The following GRM7 variants were observed in gnomAD, a reference collection of about 807,000 sequenced individuals.
GRM7 encodes the protein metabotropic glutamate receptor 7.
A neutral mutation model predicts 84.5 loss-of-function variants in GRM7; 35 were observed. That is an observed-to-expected ratio of 0.41 (90% CI 0.32 to 0.55). The LOEUF is 0.55. Ranked by LOEUF, GRM7 falls within the 20% of genes least tolerant of loss-of-function variation. The pLI is 0.19. For synonymous variants in GRM7, 487 were observed against 455.1 expected (o/e 1.07, Z -0.89); for missense variants, 1,003 against 1,194.6 (o/e 0.84, Z 2.36).
At chr3:7,682,777 A>G (rs1047135048) in intron 9 of GRM7, among the ~76,000 whole-genome samples, 4 of 152,174 alleles carry the variant, frequency 2.6e-5, no homozygotes, top group Non-Finnish European at 4.4e-5. Flanking sequence ...TGGGTATGAC[A>G]TTGGTTGTTA....
chr3:7,198,479 C>T (rs1453327089), intron 2 of GRM7, among the ~76,000 whole-genome samples: 1 of 152,130 alleles, frequency 6.6e-6, no homozygotes, highest in African/African-American at 2.4e-5. Context: ...TGCACAGATG[C>T]TCCTTGACTT....
intron 1 of GRM7, among the ~76,000 whole-genome samples, chr3:7,030,385 T>C (rs1291083879): frequency 1.3e-5 from 2 of 152,152 alleles, no homozygotes; most frequent in Non-Finnish European, 2.9e-5. Context: ...GGGTGGGAGA[T>C]ATGTTCATTA....
At chr3:7,364,871 A>G (rs149600086) in intron 4 of GRM7, among the ~76,000 whole-genome samples, 22 of 152,016 alleles carry the variant, frequency 1.4e-4, no homozygotes, top group Non-Finnish European at 2.8e-4. Flanking sequence ...ATTAACCCAC[A>G]TGATAATAAA....
chr3:6,868,965 G>A (rs912041399), intron 1 of GRM7, among the ~76,000 whole-genome samples: 3 of 152,204 alleles, frequency 2.0e-5, no homozygotes, highest in African/African-American at 4.8e-5. Flanking sequence ...ATGGAAAGTA[G>A]CAAGAAAGTC....
At chr3:7,242,666 TC>T (rs1697602689) in intron 2 of GRM7, among the ~76,000 whole-genome samples, 1 of 152,168 alleles carries the variant, frequency 6.6e-6, no homozygotes, top group Non-Finnish European at 1.5e-5. Flanking sequence ...TGTAAGATTT[TC>T]TTAAAGTTTT....
At chr3:6,950,351 GC>G (rs1692693759) in intron 1 of GRM7, among the ~76,000 whole-genome samples, 1 of 152,192 alleles carries the variant, frequency 6.6e-6, no homozygotes, top group Non-Finnish European at 1.5e-5. Context: ...GGTATCAGCA[GC>G]AGTGGCTGCA....
intron 8 of GRM7, among the ~76,000 whole-genome samples, chr3:7,612,713 T>G (rs73116090): frequency 0.015 from 2,306 of 152,228 alleles, 59 homozygotes; most frequent in African/African-American, 0.051. Context: ...TAGTAAAGAT[T>G]TGGGAAATGG....
At chr3:7,230,006 A>AT (rs1399436492) in intron 2 of GRM7, among the ~76,000 whole-genome samples, 1 of 149,608 alleles carries the variant, frequency 6.7e-6, no homozygotes, top group Non-Finnish European at 1.5e-5. Context: ...CGCCTGGCTA[A>AT]TTTTTTGCGT....
rs568232401 is a variant in GRM7, at chr3:7,344,189, C to G, written c.1033+37537C>G. On this transcript the variant is annotated intron_variant, in intron 4 of 9. Transcript: ENST00000357716. ...TTTGTTGTATAGATTATTCCATCAC[C>G]AGGGTACTAAGCCTAGTATCTATTA... Among the ~76,000 whole-genome samples, 32 of 152,000 alleles carry G rather than the reference C, an allele frequency of 2.1e-4. 1 individual carries two copies. The highest frequency in any genetic ancestry group is 2.6e-4 in the Non-Finnish European group (18 of 67,956).
At chr3:6,931,686 A>G (rs531608183) in intron 1 of GRM7, among the ~76,000 whole-genome samples, 5 of 152,320 alleles carry the variant, frequency 3.3e-5, no homozygotes, top group African/African-American at 9.6e-5. Context: ...AAATTATATA[A>G]ATTTGTAATT....
At chr3:7,470,705 C>T (rs1022387557) in intron 7 of GRM7, among the ~76,000 whole-genome samples, 1 of 151,898 alleles carries the variant, frequency 6.6e-6, no homozygotes, top group African/African-American at 2.4e-5. Context: ...ATTTTGGGCT[C>T]AGGCAAAATA....
intron 3 of GRM7, among the ~76,000 whole-genome samples, chr3:7,299,338 G>A (rs996465492): frequency 5.9e-5 from 9 of 151,878 alleles, no homozygotes; most frequent in Admixed American, 3.9e-4. Flanking sequence ...TCCTTGTATT[G>A]TTGGCCAAGC....
intron 4 of GRM7, among the ~76,000 whole-genome samples, chr3:7,331,908 A>C (rs1279903779): frequency 2.0e-5 from 3 of 152,280 alleles, no homozygotes; most frequent in Middle Eastern, 3.4e-3. Flanking sequence ...GAAGTAGCAA[A>C]ACCTGAAGTA....
At chr3:7,316,023 C>A (rs1700569160) in intron 4 of GRM7, among the ~76,000 whole-genome samples, 1 of 152,062 alleles carries the variant, frequency 6.6e-6, no homozygotes, top group African/African-American at 2.4e-5. Flanking sequence ...ATCAAGATGT[C>A]TTTTGATAAG....
At chr3:7,064,524 A>G (rs1348867265) in intron 1 of GRM7, among the ~76,000 whole-genome samples, 1 of 113,232 alleles carries the variant, frequency 8.8e-6, no homozygotes, top group African/African-American at 3.7e-5. Flanking sequence ...ATATACACAC[A>G]CACACACGCA....
chr3:6,964,208 G>C (rs1213514669), intron 1 of GRM7, among the ~76,000 whole-genome samples: 1 of 152,116 alleles, frequency 6.6e-6, no homozygotes, highest in Non-Finnish European at 1.5e-5. Context: ...CTATGGACTG[G>C]GTGGCTTATA....
intron 2 of GRM7, among the ~76,000 whole-genome samples, chr3:7,157,685 G>A (rs1461270464): frequency 6.6e-6 from 1 of 151,282 alleles, no homozygotes; most frequent in African/African-American, 2.4e-5. Flanking sequence ...TCTTTGTGCT[G>A]GACAGTTTGT....
intron 5 of GRM7, among the ~76,000 whole-genome samples, chr3:7,420,964 C>G (rs928003309): frequency 2.0e-5 from 3 of 152,102 alleles, no homozygotes; most frequent in African/African-American, 7.2e-5. Flanking sequence ...TGGGACACCT[C>G]TTTAAATCCT....
At chr3:7,617,197 C>T (rs777277762) in intron 8 of GRM7, among the ~76,000 whole-genome samples, 4 of 152,006 alleles carry the variant, frequency 2.6e-5, no homozygotes, top group African/African-American at 9.7e-5. Flanking sequence ...ACAAGCTTAA[C>T]GTTCCAATAA....
Sources: gnomAD v4.1 joint callset for allele counts (sites outside exome capture counted in the v4.1 genomes callset) on GRCh38, gnomAD v4.1.1 for gene constraint, MANE v1.5 for transcripts, NCBI Gene and HGNC (gene_info 2026-07-23, HGNC 2026-07-21) for gene names.